The following GPC6 variants were observed in gnomAD, a reference collection of about 807,000 sequenced individuals.
GPC6 encodes the protein glypican 6, also known as glypican-6.
Under a neutral mutation model 55.2 loss-of-function variants are expected in GPC6, and 14 were observed. The ratio of observed to expected loss-of-function variants is 0.25; its 90% CI spans 0.17 to 0.40. GPC6 has a LOEUF of 0.40. GPC6 is among the 10% of genes least tolerant of loss of function. The pLI, the probability that GPC6 is intolerant of heterozygous loss-of-function variation, is 1.00. For synonymous variants in GPC6, 278 were observed against 259.6 expected (o/e 1.07, Z -0.68); for missense variants, 641 against 708.5 (o/e 0.90, Z 1.08).
chr13:93,712,712 A>G (rs898758257), intron 2 of GPC6, among the ~76,000 whole-genome samples: 2 of 151,590 alleles, frequency 1.3e-5, no homozygotes, highest in Non-Finnish European at 3.0e-5. Flanking sequence ...ATGCCTACCC[A>G]ATTTATATTA....
chr13:93,681,647 T>C (rs956092249), intron 2 of GPC6, among the ~76,000 whole-genome samples: 1 of 152,210 alleles, frequency 6.6e-6, no homozygotes, highest in African/African-American at 2.4e-5. Flanking sequence ...GATATTTGGT[T>C]ATTTATCATA....
chr13:93,998,298 T>G (rs1159126165), intron 3 of GPC6, among the ~76,000 whole-genome samples: 1 of 152,202 alleles, frequency 6.6e-6, no homozygotes, highest in East Asian at 1.9e-4. Flanking sequence ...TTTCCTTGAT[T>G]GTAAGTTTAT....
chr13:93,991,565 A>G (rs1296884672), intron 3 of GPC6, among the ~76,000 whole-genome samples: 3 of 152,136 alleles, frequency 2.0e-5, no homozygotes, highest in Non-Finnish European at 4.4e-5. Flanking sequence ...TCTATTCACA[A>G]TTGACTTATA....
chr13:94,237,721 T>TA (rs1044061863), intron 4 of GPC6, among the ~76,000 whole-genome samples: 1 of 151,944 alleles, frequency 6.6e-6, no homozygotes, highest in African/African-American at 2.4e-5. Flanking sequence ...AGATTGTGAA[T>TA]AAAAAAACGT....
chr13:94,356,572 T>C (rs1296782466), intron 6 of GPC6, among the ~76,000 whole-genome samples: 1 of 152,234 alleles, frequency 6.6e-6, no homozygotes, highest in Non-Finnish European at 1.5e-5. Flanking sequence ...TAATTTACTT[T>C]ATCTGCATGA....
At chr13:93,842,436 A>G (rs1233675908) in intron 3 of GPC6, among the ~76,000 whole-genome samples, 1 of 152,162 alleles carries the variant, frequency 6.6e-6, no homozygotes, top group Non-Finnish European at 1.5e-5. Flanking sequence ...TTTGGCTAGG[A>G]TGGAAGATAG....
At chr13:93,713,329 A>T (rs1883137485) in intron 2 of GPC6, among the ~76,000 whole-genome samples, 1 of 151,678 alleles carries the variant, frequency 6.6e-6, no homozygotes, top group Admixed American at 6.6e-5. Flanking sequence ...ATAAATAGAA[A>T]ACAACAAAGT....
intron 2 of GPC6, among the ~76,000 whole-genome samples, chr13:93,741,447 A>G (rs1884198251): frequency 6.6e-6 from 1 of 152,168 alleles, no homozygotes. Context: ...TCTACAAGAC[A>G]TGGAGTCACA....
chr13:93,544,122 C>A, intron 1 of GPC6, among the ~76,000 whole-genome samples: 1 of 150,162 alleles, frequency 6.7e-6, no homozygotes, highest in African/African-American at 2.4e-5. Flanking sequence ...TAATTAGGAA[C>A]TCAAACACCT....
intron 1 of GPC6, among the ~76,000 whole-genome samples, chr13:93,295,109 C>CAAAA (rs71202577): frequency 1.8e-4 from 11 of 61,816 alleles, no homozygotes; most frequent in Admixed American, 5.5e-4. Context: ...TCTGTCTCTG[C>CAAAA]AAAAAAAAAA....
At chr13:94,345,882 TAGC>T (rs1304496680) in intron 6 of GPC6, among the ~76,000 whole-genome samples, 2 of 152,138 alleles carry the variant, frequency 1.3e-5, no homozygotes, top group African/African-American at 4.8e-5. Context: ...GAAATTAAGG[TAGC>T]AGCAGAAGCA....
intron 3 of GPC6, among the ~76,000 whole-genome samples, chr13:93,984,026 T>C (rs1204847377): frequency 6.6e-6 from 1 of 151,928 alleles, no homozygotes; most frequent in East Asian, 1.9e-4. Context: ...TTGAGGAACA[T>C]TGAATTTATT....
chr13:94,043,171 C>T (rs1191877968), intron 4 of GPC6, among the ~76,000 whole-genome samples: 1 of 151,722 alleles, frequency 6.6e-6, no homozygotes, highest in African/African-American at 2.4e-5. Context: ...CTAAAACCTA[C>T]CTGTTCTCCG....
intron 2 of GPC6, among the ~76,000 whole-genome samples, chr13:93,815,363 T>C (rs1189857568): frequency 6.6e-6 from 1 of 152,152 alleles, no homozygotes; most frequent in Non-Finnish European, 1.5e-5. Flanking sequence ...AATTGAAATA[T>C]AAACAATTTG....
At chr13:93,536,318 C>T (rs1325992299) in intron 1 of GPC6, among the ~76,000 whole-genome samples, 2 of 152,088 alleles carry the variant, frequency 1.3e-5, no homozygotes, top group Non-Finnish European at 2.9e-5. Flanking sequence ...GTGTAATCTT[C>T]ACCATTATCC....
chr13:93,869,137 G>A (rs1296833899), intron 3 of GPC6, among the ~76,000 whole-genome samples: 1 of 151,782 alleles, frequency 6.6e-6, no homozygotes, highest in African/African-American at 2.4e-5. Context: ...TCTGCTTCAA[G>A]TCCCTTTCTT....
At chr13:93,779,430 T>C (rs1311856609) in intron 2 of GPC6, among the ~76,000 whole-genome samples, 4 of 152,234 alleles carry the variant, frequency 2.6e-5, no homozygotes, top group African/African-American at 9.6e-5. Flanking sequence ...TATAATTCCA[T>C]ATTGAGACTA....
chr13:93,433,143 T>A (rs1402403840), intron 1 of GPC6, among the ~76,000 whole-genome samples: 3 of 152,134 alleles, frequency 2.0e-5, no homozygotes, highest in African/African-American at 7.2e-5. Flanking sequence ...GCATTAAAAT[T>A]CAGGTAATTT....
chr13:93,635,808 A>T (rs1466018010), intron 2 of GPC6, among the ~76,000 whole-genome samples: 2 of 152,142 alleles, frequency 1.3e-5, no homozygotes, highest in Admixed American at 6.6e-5. Flanking sequence ...TGCATCCTGT[A>T]AATGACACAT....
Sources: gnomAD v4.1 joint callset for allele counts (sites outside exome capture counted in the v4.1 genomes callset) on GRCh38, gnomAD v4.1.1 for gene constraint, MANE v1.5 for transcripts, NCBI Gene and HGNC (gene_info 2026-07-23, HGNC 2026-07-21) for gene names.